Variants in KLRG2 observed in about 807,000 individuals in gnomAD.
KLRG2 encodes the protein killer cell lectin-like receptor subfamily G member 2.
A neutral mutation model predicts 35.4 loss-of-function variants in KLRG2; 39 were observed. The ratio of observed to expected loss-of-function variants is 1.10; its 90% confidence interval spans 0.85 to 1.44. The LOEUF is 1.44. Ranked by LOEUF, KLRG2 falls within the 40% of genes most tolerant of loss-of-function variation. KLRG2 has a pLI of 0.00. For missense variants in KLRG2, 632 were observed against 570.9 expected, an observed-to-expected ratio of 1.11 and a Z score of -1.09; for synonymous variants, 283 against 265.8, an observed-to-expected ratio of 1.06 and a Z score of -0.63.
At chr7:139,435,203 A>G in the KLRG2 span, among the ~76,000 whole-genome samples, 204 of 152,264 alleles carry the variant, frequency 1.3e-3, 2 homozygotes, top group Middle Eastern at 0.01. Flanking sequence ...AAATTCACCA[A>G]TTTCGGCTGG....
chr7:139,438,837 G>A, the KLRG2 span, among the ~76,000 whole-genome samples: 2 of 151,756 alleles, frequency 1.3e-5, no homozygotes, highest in Non-Finnish European at 1.5e-5. Flanking sequence ...CACCACACCC[G>A]GCTAATTTTG....
At chr7:139,479,080 TTTTA>T (rs1181716154) in intron 3 of KLRG2, among the ~76,000 whole-genome samples, 2 of 152,060 alleles carry the variant, frequency 1.3e-5, no homozygotes, top group Non-Finnish European at 2.9e-5. Context: ...TTATTTTTAT[TTTTA>T]TTTATTTATT....
At chr7:139,479,145 T>A (rs1796908931) in intron 3 of KLRG2, among the ~76,000 whole-genome samples, 1 of 152,006 alleles carries the variant, frequency 6.6e-6, no homozygotes, top group Admixed American at 6.6e-5. Flanking sequence ...TGCAGTGGAG[T>A]GATCTCGGCT....
At chr7:139,455,104 C>T (rs1443188749) in intron 3 of KLRG2, among the ~76,000 whole-genome samples, 17 of 147,574 alleles carry the variant, frequency 1.2e-4, no homozygotes, top group African/African-American at 3.3e-4. Context: ...CTGCAGCCTC[C>T]GCCTCTCAGG....
In KLRG2 at chr7:139,483,271, C is replaced by T. The variant is rs1167488202; in HGVS notation, c.372G>A (p.Leu124=). The T allele has an allele frequency of 6.4e-7, 1 of 1,561,564 alleles. No homozygotes were observed. Among genetic ancestry groups the T allele is most frequent in the Admixed American group, 1.8e-5 (1 of 55,638 alleles). ...PAPSAWAPME[L]QVDVRVKPVG... Reference sequence around the variant, plus strand: ...CGGGCTTCACGCGCACATCTACCTGCAGCTCCATGGGCGCCCAGGCGCTGG... The same window carrying T: ...CGGGCTTCACGCGCACATCTACCTGTAGCTCCATGGGCGCCCAGGCGCTGG... Residue 124 remains leucine (L), a synonymous_variant, in exon 1 of 5, where the codon CTG becomes CTA. Transcript: ENST00000340940.
At chr7:139,439,237 A>G in the KLRG2 span, among the ~76,000 whole-genome samples, 5 of 152,324 alleles carry the variant, frequency 3.3e-5, no homozygotes, top group Non-Finnish European at 7.4e-5. Context: ...TGCAACATGA[A>G]TTTCCAGAAG....
rs897734937 is a variant in KLRG2 at position 139,453,410 on chromosome 7, G to C, written c.*177C>G. On this transcript the variant is annotated 3_prime_UTR_variant, in exon 5 of 5. Coordinates refer to ENST00000340940, the MANE Select transcript of KLRG2 (RefSeq NM_198508.4). ...GGCCATAGAAAATCTCCTTTCCCTC[G>C]GATGCATCTTCCTGGGTTGAAGTCC... The C allele has an allele frequency of 8.2e-6, 5 of 610,010 alleles. No homozygotes were observed. In the African/African-American group the frequency reaches 9.4e-5, roughly 11 times the overall value. 37.8% of individuals were successfully genotyped at this position (610,010 alleles called of 1,614,324 possible).
chr7:139,457,049 C>T (rs569060387), intron 3 of KLRG2, among the ~76,000 whole-genome samples: 1 of 152,292 alleles, frequency 6.6e-6, no homozygotes, highest in East Asian at 1.9e-4. Context: ...AGTTAACAGC[C>T]CAGAGAGAAG....
Position 139,483,282 on chromosome 7 carries a change from G to T in KLRG2, c.361C>A (p.Pro121Thr). ...GAEPAPSAWAPMELQVDVRVK... is the reference protein window; with the variant it reads ...GAEPAPSAWATMELQVDVRVK... ...CGCACATCTACCTGCAGCTCCATGG[G>T]CGCCCAGGCGCTGGGCGCAGGCTCA... The change falls in exon 1 of 5, where the codon CCC (proline) becomes ACC (threonine). Residue 121 changes from proline to threonine, a missense_variant. Pro to Thr is a conservative substitution (Grantham distance 38). Transcript: ENST00000340940. 1 of 1,558,852 alleles carries T rather than the reference G, an allele frequency of 6.4e-7. No homozygotes were observed. The highest frequency in any genetic ancestry group is 2.5e-5 in the East Asian group (1 of 40,402).
chr7:139,467,509 T>TA (rs1569413283), intron 3 of KLRG2, among the ~76,000 whole-genome samples: 2 of 152,084 alleles, frequency 1.3e-5, no homozygotes, highest in African/African-American at 4.8e-5. Flanking sequence ...TCTTCTGCCT[T>TA]GGTATGCTGT....
chr7:139,454,748 A>G (rs1423199808), intron 3 of KLRG2, among the ~76,000 whole-genome samples: 2 of 151,506 alleles, frequency 1.3e-5, no homozygotes, highest in Non-Finnish European at 2.9e-5. Flanking sequence ...CCCAGGAGAC[A>G]GAGGTTGCAG....
intron 3 of KLRG2, among the ~76,000 whole-genome samples, chr7:139,460,106 A>G (rs35816152): frequency 0.37 from 56,381 of 151,920 alleles, 13,661 homozygotes; most frequent in African/African-American, 0.69. Context: ...GGCCGGTCTC[A>G]AACTCCTGAC....
chr7:139,443,606 G>A, the KLRG2 span, among the ~76,000 whole-genome samples: 1 of 152,032 alleles, frequency 6.6e-6, no homozygotes, highest in Non-Finnish European at 1.5e-5. Flanking sequence ...CTGCTGCCCA[G>A]GCTGGAGTGC....
intron 4 of KLRG2, 59 bp downstream of exon 4, chr7:139,454,052 T>C: frequency 9.5e-7 from 1 of 1,053,638 alleles, no homozygotes; most frequent in Admixed American, 2.0e-5. Flanking sequence ...AGGTGGAGTC[T>C]GGGGAGAAAT....
rs1435399775 is a variant in KLRG2, at chr7:139,482,933, G to A, written c.710C>T (p.Ala237Val). The A allele has an allele frequency of 2.7e-6, 4 of 1,493,486 alleles. No individual in the cohort carries two copies. The highest frequency in any genetic ancestry group is 1.3e-5 in the South Asian group (1 of 77,820). The allele number at this position is 1,493,486 out of a possible 1,614,324, so 92.5% of individuals were successfully genotyped here. The change falls in exon 1 of 5, where the codon GCG (alanine) becomes GTG (valine). Residue 237 changes from alanine (A) to valine (V), a missense_variant. By Grantham distance (64) the Ala-to-Val change is moderately conservative. Coordinates refer to ENST00000340940, the MANE Select transcript of KLRG2 (RefSeq NM_198508.4). ...CAGCTTCTCGTCGCCGTCCAACCCC[G>A]CGCGGGGCAACAGCGCCGCATCCTC... ...EKEDAALLPR[A>V]GLDGDEKLPR...
At chr7:139,471,624 G>A (rs137855037) in intron 3 of KLRG2, among the ~76,000 whole-genome samples, 447 of 151,934 alleles carry the variant, frequency 2.9e-3, no homozygotes, top group African/African-American at 0.01. Flanking sequence ...TCGTGCCACC[G>A]CACTCCAGCC....
At chr7:139,479,080 T>TTTTA (rs1181716154) in intron 3 of KLRG2, among the ~76,000 whole-genome samples, 1 of 152,062 alleles carries the variant, frequency 6.6e-6, no homozygotes, top group Non-Finnish European at 1.5e-5. Flanking sequence ...TTATTTTTAT[T>TTTTA]TTTATTTATT....
the KLRG2 span, among the ~76,000 whole-genome samples, chr7:139,429,033 T>C: frequency 2.0e-5 from 3 of 152,206 alleles, no homozygotes; most frequent in Admixed American, 6.5e-5. Flanking sequence ...ATAATCACTT[T>C]AGGCCAGGCG....
chr7:139,479,599 C>G, intron 3 of KLRG2, 28 bp downstream of exon 3: 1 of 1,601,842 alleles, frequency 6.2e-7, no homozygotes, highest in South Asian at 1.1e-5. Flanking sequence ...AGATCTGTAC[C>G]CCCTTAGATT....
Sources: gnomAD v4.1 joint callset for allele counts (sites outside exome capture counted in the v4.1 genomes callset) on GRCh38, gnomAD v4.1.1 for gene constraint, MANE v1.5 for transcripts, NCBI Gene and HGNC (gene_info 2026-07-23, HGNC 2026-07-21) for gene names.